Variants in CNIH4 observed in about 807,000 individuals in gnomAD.
The protein encoded by CNIH4 is protein cornichon homolog 4.
Under a neutral mutation model 21.5 loss-of-function variants are expected in CNIH4, and 9 were observed. The observed-to-expected ratio is 0.42, with a 90% CI of 0.25 to 0.73. The LOEUF is 0.73. Among genes scored for constraint, CNIH4 ranks in the 30% least tolerant of loss-of-function variants. CNIH4 has a pLI of 0.27. For missense variants in CNIH4, 159 were observed against 170.0 expected, an observed-to-expected ratio of 0.94 and a Z score of 0.36; for synonymous variants, 67 against 59.1, an observed-to-expected ratio of 1.13 and a Z score of -0.61.
chr1:224,373,376 C>T (rs1672687227), intron 4 of CNIH4, among the ~76,000 whole-genome samples: 1 of 152,196 alleles, frequency 6.6e-6, no homozygotes, highest in Admixed American at 6.5e-5. Flanking sequence ...GGAAAGTAAA[C>T]TAGAGCAGGC....
At position 224,360,528 on chromosome 1, in the gene CNIH4, A is replaced by T; in HGVS notation, c.103A>T (p.Ile35Phe). The T allele has an allele frequency of 6.7e-7, 1 of 1,488,004 alleles. No individual in the cohort carries two copies. Among genetic ancestry groups the T allele is most frequent in the Non-Finnish European group, 9.0e-7 (1 of 1,112,556 alleles). The allele number at this position is 1,488,004 out of a possible 1,614,324, so 92.2% of individuals were successfully genotyped here. A position where few individuals can be genotyped will look rare whatever the true frequency, so the allele number is the denominator to read the frequency against. The change falls in exon 2 of 5, where the codon ATT becomes TTT. Residue 35 changes from isoleucine (I) to phenylalanine (F), a missense_variant. Transcript: ENST00000465271. ...ATTGTCTGATTTAGAATGTGATTACATTAATGCTAGATCATGTTGCTCAAA... is the reference window on the plus strand; with the variant it reads ...ATTGTCTGATTTAGAATGTGATTACTTTAATGCTAGATCATGTTGCTCAAA... ...ITLSDLECDY[I>F]NARSCCSKLN...
intron 3 of CNIH4, among the ~76,000 whole-genome samples, chr1:224,366,832 G>A (rs7519495): frequency 0.57 from 85,829 of 151,450 alleles, 28,103 homozygotes; most frequent in East Asian, 0.97. Flanking sequence ...GCATGGTGGC[G>A]TGCACCTGTA....
chr1:224,376,154 CAAACTG>C lies in CNIH4; in HGVS notation c.*335_*340del. 1 of 1,047,210 alleles carries C rather than the reference CAAACTG, an allele frequency of 9.5e-7. No homozygotes were observed. The highest frequency in any genetic ancestry group is 1.1e-6 in the Non-Finnish European group (1 of 870,084). The allele number at this position is 1,047,210 out of a possible 1,614,324, so 64.9% of individuals were successfully genotyped here. A position where few individuals can be genotyped will look rare whatever the true frequency, so the allele number is the denominator to read the frequency against. ...GAAATAAAGAACACACTTTAAAGGG[CAAACTG>C]AAGAGATGAGCGAGCAAAGGTGCCC... On this transcript the variant is annotated 3_prime_UTR_variant, in exon 5 of 5. Coordinates refer to ENST00000465271, the MANE Select transcript of CNIH4 (RefSeq NM_014184.4).
At chr1:224,364,761 C>T (rs1311957093) in intron 2 of CNIH4, among the ~76,000 whole-genome samples, 2 of 152,004 alleles carry the variant, frequency 1.3e-5, no homozygotes, top group East Asian at 1.9e-4. Flanking sequence ...GGTGAAACTC[C>T]GTCTCTACTA....
At chr1:224,360,641 T>G in intron 2 of CNIH4, 78 bp downstream of exon 2, 1 of 693,122 alleles carries the variant, frequency 1.4e-6, no homozygotes. Flanking sequence ...AGATAACAGA[T>G]GTATTTTTGA....
At position 224,378,413 on chromosome 1, in the gene CNIH4, A is replaced by AG. The variant is rs1485045696; in HGVS notation, c.*2592dup. On this transcript the variant is annotated 3_prime_UTR_variant, in exon 5 of 5. Coordinates refer to ENST00000465271, the MANE Select transcript of CNIH4 (RefSeq NM_014184.4). ...GGGGATAAAAGCACTGACTTTAAAA[A>AG]GCCATGTTTAAGATGCTATAAATGT... is the stretch of plus-strand genomic sequence containing the variant. The AG allele has an allele frequency of 6.6e-6, 1 of 152,300 alleles. No homozygotes were observed. Among genetic ancestry groups the AG allele is most frequent in the East Asian group, 1.9e-4 (1 of 5,202 alleles). 9.4% of individuals were successfully genotyped at this position (152,300 alleles called of 1,614,324 possible). A position where few individuals can be genotyped will look rare whatever the true frequency, so the allele number is the denominator to read the frequency against.
chr1:224,379,008 GCTC>G lies in CNIH4; in HGVS notation c.*3189_*3191del. On this transcript the variant is annotated 3_prime_UTR_variant, in exon 5 of 5. Coordinates refer to ENST00000465271, the MANE Select transcript of CNIH4 (RefSeq NM_014184.4). ...CCCGGTCCATAGACTACTATCGAGT[GCTC>G]CTATGTGCATCTTAGTACGTATCAT... The G allele has an allele frequency of 6.7e-7, 1 of 1,502,302 alleles. No homozygotes were observed. The highest frequency in any genetic ancestry group is 9.1e-7 in the Non-Finnish European group (1 of 1,102,912). 93.1% of individuals were successfully genotyped at this position (1,502,302 alleles called of 1,614,324 possible).
intron 2 of CNIH4, among the ~76,000 whole-genome samples, chr1:224,365,472 G>A (rs1672424935): frequency 6.6e-6 from 1 of 152,144 alleles, no homozygotes; most frequent in Non-Finnish European, 1.5e-5. Context: ...TCTGGAGATT[G>A]GAAAATGTTT....
chr1:224,364,978 T>C (rs1672409393), intron 2 of CNIH4, among the ~76,000 whole-genome samples: 1 of 149,362 alleles, frequency 6.7e-6, no homozygotes, highest in African/African-American at 2.5e-5. Flanking sequence ...CCCAGAAAAA[T>C]CTCTACTTCT....
chr1:224,364,101 T>C, intron 2 of CNIH4: 1 of 985,312 alleles, frequency 1.0e-6, no homozygotes, highest in Non-Finnish European at 1.2e-6. Flanking sequence ...TCCTGAAACA[T>C]ATTTCAGGCC....
intron 3 of CNIH4, among the ~76,000 whole-genome samples, chr1:224,367,803 C>G (rs1672510103): frequency 6.6e-6 from 1 of 152,240 alleles, no homozygotes; most frequent in Admixed American, 6.5e-5. Flanking sequence ...CTGCTGCGGG[C>G]TAGTCCCAGA....
chr1:224,363,830 G>A (rs184813586), intron 2 of CNIH4, among the ~76,000 whole-genome samples: 174 of 152,188 alleles, frequency 1.1e-3, no homozygotes, highest in Non-Finnish European at 2.0e-3. Context: ...TTTGTTGACT[G>A]GTAGACTTCC....
Position 224,379,104 on chromosome 1 carries a change from G to T in CNIH4, c.*3282G>T, listed in dbSNP as rs373829232. ...TGCCCTTGCTAATCACCGTAACCTC[G>T]GCTGAGAAAGAAGAGGAAGCGAAAT... On this transcript the variant is annotated 3_prime_UTR_variant, in exon 5 of 5. Coordinates refer to ENST00000465271, the MANE Select transcript of CNIH4 (RefSeq NM_014184.4). 6.4e-7 allele frequency: 1 copy of T among 1,550,414 alleles called. No homozygotes were observed. The highest frequency in any genetic ancestry group is 2.0e-5 in the Admixed American group (1 of 50,992).
At chr1:224,366,034 A>G (rs750842690) in intron 3 of CNIH4, 43 bp downstream of exon 3, 26 of 1,290,302 alleles carry the variant, frequency 2.0e-5, no homozygotes, top group Admixed American at 1.0e-4. Flanking sequence ...TAGTTAAAAA[A>G]AAATTTAAAA....
chr1:224,373,429 G>C (rs1672689655), intron 4 of CNIH4, among the ~76,000 whole-genome samples: 1 of 152,176 alleles, frequency 6.6e-6, no homozygotes, highest in South Asian at 2.1e-4. Context: ...ACGTAGTCAT[G>C]CTTTGCAGAG....
At chr1:224,373,421 G>A (rs952133458) in intron 4 of CNIH4, among the ~76,000 whole-genome samples, 1 of 152,164 alleles carries the variant, frequency 6.6e-6, no homozygotes, top group African/African-American at 2.4e-5. Flanking sequence ...TACAGCCCAC[G>A]TAGTCATGCT....
At chr1:224,366,078 G>C in intron 3 of CNIH4, 87 bp downstream of exon 3, 1 of 843,004 alleles carries the variant, frequency 1.2e-6, no homozygotes, top group Non-Finnish European at 2.0e-6. Flanking sequence ...ATCTTACTCT[G>C]TTACCCAGGC....
chr1:224,376,804 T>A lies in CNIH4; in HGVS notation c.*982T>A. 1 of 985,444 alleles carries A rather than the reference T, an allele frequency of 1.0e-6. No homozygotes were observed. Among genetic ancestry groups the A allele is most frequent in the Non-Finnish European group, 1.2e-6 (1 of 829,928 alleles). 61.0% of individuals were successfully genotyped at this position (985,444 alleles called of 1,614,324 possible). On this transcript the variant is annotated 3_prime_UTR_variant, in exon 5 of 5. Transcript: ENST00000465271. ...TCCTTGGAGTTATATTGTAAACTCT[T>A]GCAGGTGGGAGAGCAGTTCACCTCC...
chr1:224,379,138 C>G lies in CNIH4; in HGVS notation c.*3316C>G. 1 of 1,545,676 alleles carries G rather than the reference C, an allele frequency of 6.5e-7. No homozygotes were observed. Among genetic ancestry groups the G allele is most frequent in the South Asian group, 1.2e-5 (1 of 83,966 alleles). ...AGAAGAGGAAGCGAAATCCAAGATG[C>G]AGCTCAGTTCATCAAAGCCTAGCAG... On this transcript the variant is annotated 3_prime_UTR_variant, in exon 5 of 5. Transcript: ENST00000465271.
Sources: allele counts gnomAD v4.1 joint callset (sites outside exome capture counted in the v4.1 genomes callset), GRCh38; gene constraint gnomAD v4.1.1; transcripts MANE v1.5; gene names NCBI Gene and HGNC (gene_info 2026-07-23, HGNC 2026-07-21).